The following GRID2 variants were observed in gnomAD, a reference collection of about 807,000 sequenced individuals.
The protein encoded by GRID2 is glutamate ionotropic receptor delta type subunit 2.
Under a neutral mutation model 114.8 loss-of-function variants are expected in GRID2, and 33 were observed. That is an observed-to-expected ratio of 0.29 (90% CI 0.22 to 0.38). GRID2 has a LOEUF of 0.38. Among genes scored for constraint, GRID2 ranks in the 10% least tolerant of loss-of-function variants. The probability of loss-of-function intolerance (pLI) is 1.00; values close to 1 mark genes in which losing one functional copy is unlikely to be tolerated. For synonymous variants in GRID2, 505 were observed against 449.9 expected (o/e 1.12, Z -1.55); for missense variants, 1,184 against 1,257.7 (o/e 0.94, Z 0.89).
At chr4:93,808,628 A>G (rs767154271) in exon 2 of GRID2, 4 of 152,210 alleles carry the variant, frequency 2.6e-5, no homozygotes, top group Non-Finnish European at 4.4e-5. Flanking sequence ...ATGACAAAGA[A>G]GTAGTCCGGA....
At chr4:93,381,916 C>T (rs935423640) in intron 8 of GRID2, among the ~76,000 whole-genome samples, 5 of 152,036 alleles carry the variant, frequency 3.3e-5, no homozygotes, top group Admixed American at 1.3e-4. Context: ...CTCACATTAA[C>T]GTTTCTTCCA....
chr4:92,537,278 A>G (rs571860471), intron 1 of GRID2, among the ~76,000 whole-genome samples: 1 of 152,280 alleles, frequency 6.6e-6, no homozygotes, highest in South Asian at 2.1e-4. Flanking sequence ...TTATATACAT[A>G]CTATTATTAA....
chr4:92,427,254 C>G (rs1481744943), intron 1 of GRID2, among the ~76,000 whole-genome samples: 1 of 151,870 alleles, frequency 6.6e-6, no homozygotes, highest in Non-Finnish European at 1.5e-5. Flanking sequence ...ATTATGGGAC[C>G]TTATCAGTAT....
chr4:93,626,191 T>A, intron 13 of GRID2, 78 bp from the exon 14 acceptor site: 1 of 703,668 alleles, frequency 1.4e-6, no homozygotes, highest in Non-Finnish European at 2.5e-6. Context: ...ACCAATGTAA[T>A]GTTTTTCATC....
chr4:92,461,706 T>C (rs1721504976), intron 1 of GRID2, among the ~76,000 whole-genome samples: 1 of 152,008 alleles, frequency 6.6e-6, no homozygotes, highest in Non-Finnish European at 1.5e-5. Flanking sequence ...TTTGTTGTTG[T>C]TGTTGTTTAA....
intron 2 of GRID2, among the ~76,000 whole-genome samples, chr4:92,674,083 T>C (rs1419027465): frequency 6.6e-6 from 1 of 152,222 alleles, no homozygotes; most frequent in Non-Finnish European, 1.5e-5. Context: ...TTTTTAGTAA[T>C]CTTATTGTGT....
At chr4:92,945,790 A>T (rs193075127) in intron 2 of GRID2, among the ~76,000 whole-genome samples, 2 of 152,168 alleles carry the variant, frequency 1.3e-5, no homozygotes, top group Admixed American at 6.6e-5. Flanking sequence ...TTTTCATTTG[A>T]TCATCTTATT....
intron 8 of GRID2, among the ~76,000 whole-genome samples, chr4:93,322,250 A>G (rs575207834): frequency 1.1e-4 from 16 of 151,932 alleles, no homozygotes; most frequent in Admixed American, 9.2e-4. Context: ...CCTGTGTCCA[A>G]CTGTTCTCAT....
intron 1 of GRID2, among the ~76,000 whole-genome samples, chr4:92,326,789 T>C (rs549304357): frequency 6.6e-6 from 1 of 152,162 alleles, no homozygotes; most frequent in African/African-American, 2.4e-5. Context: ...TTTGCATAAC[T>C]TCTCTGAGGC....
intron 1 of GRID2, among the ~76,000 whole-genome samples, chr4:93,792,902 C>T (rs974464934): frequency 5.3e-5 from 8 of 152,148 alleles, no homozygotes; most frequent in Admixed American, 3.3e-4. Context: ...TTCCTTTACC[C>T]ACTGCCACAT....
At chr4:93,031,744 C>T (rs912585152) in intron 2 of GRID2, among the ~76,000 whole-genome samples, 1 of 143,148 alleles carries the variant, frequency 7.0e-6, no homozygotes, top group Non-Finnish European at 1.5e-5. Flanking sequence ...TCAATTAAAC[C>T]TTTTTTTTTT....
At chr4:92,639,476 G>A (rs1048462378) in intron 2 of GRID2, among the ~76,000 whole-genome samples, 2 of 151,666 alleles carry the variant, frequency 1.3e-5, no homozygotes, top group African/African-American at 4.8e-5. Context: ...TGCTATAAAC[G>A]TTAGACTTAA....
At chr4:92,831,984 G>A (rs17019920) in intron 2 of GRID2, among the ~76,000 whole-genome samples, 2,852 of 152,072 alleles carry the variant, frequency 0.019, 75 homozygotes, top group African/African-American at 0.066. Context: ...GTGCATAAAA[G>A]ACTGTTTCAG....
chr4:93,230,393 G>A (rs1745986704), intron 7 of GRID2, among the ~76,000 whole-genome samples: 1 of 151,980 alleles, frequency 6.6e-6, no homozygotes, highest in South Asian at 2.1e-4. Flanking sequence ...GACTTAAAAA[G>A]CAGCATGCAA....
At chr4:93,263,092 T>A (rs1473040935) in intron 8 of GRID2, among the ~76,000 whole-genome samples, 1 of 151,996 alleles carries the variant, frequency 6.6e-6, no homozygotes, top group Non-Finnish European at 1.5e-5. Flanking sequence ...TTCTCTTTTA[T>A]TTCTAATTAT....
At chr4:92,514,733 CAT>C (rs1176052920) in intron 1 of GRID2, among the ~76,000 whole-genome samples, 2 of 151,854 alleles carry the variant, frequency 1.3e-5, no homozygotes, top group African/African-American at 2.4e-5. Context: ...ACATAATACA[CAT>C]GTTAAAACTG....
intron 8 of GRID2, among the ~76,000 whole-genome samples, chr4:93,296,901 A>G (rs61652500): frequency 0.054 from 8,227 of 152,270 alleles, 747 homozygotes; most frequent in African/African-American, 0.19. Flanking sequence ...CTTACAAGTC[A>G]AATCTCTTAT....
chr4:93,444,409 C>T (rs1721902793), intron 10 of GRID2, among the ~76,000 whole-genome samples: 1 of 151,906 alleles, frequency 6.6e-6, no homozygotes, highest in African/African-American at 2.4e-5. Context: ...GCTTATCACA[C>T]ATAAACTAAA....
At chr4:93,760,710 T>C (rs1733132719) in intron 14 of GRID2, among the ~76,000 whole-genome samples, 1 of 152,240 alleles carries the variant, frequency 6.6e-6, no homozygotes, top group Non-Finnish European at 1.5e-5. Context: ...TTTACAGTAC[T>C]TCTGGTCACA....
Sources: allele counts gnomAD v4.1 joint callset (sites outside exome capture counted in the v4.1 genomes callset), GRCh38; gene constraint gnomAD v4.1.1; transcripts MANE v1.5; gene names NCBI Gene and HGNC (gene_info 2026-07-23, HGNC 2026-07-21).